Variants in PRKCA observed in about 807,000 individuals in gnomAD.
The protein encoded by PRKCA is protein kinase C alpha.
Under a neutral mutation model 87.0 loss-of-function variants are expected in PRKCA, and 27 were observed. The observed-to-expected ratio is 0.31, with a 90% confidence interval of 0.23 to 0.43. The LOEUF is 0.43. Among genes scored for constraint, PRKCA ranks in the 20% least tolerant of loss-of-function variants. The pLI is 1.00. For missense variants in PRKCA, 518 were observed against 852.3 expected, an observed-to-expected ratio of 0.61 and a Z score of 4.88; for synonymous variants, 329 against 311.1, an observed-to-expected ratio of 1.06 and a Z score of -0.61.
chr17:66,803,660 C>T lies in PRKCA; in HGVS notation c.1855-213C>T, dbSNP rs762422122. Among the ~76,000 whole-genome samples, 24 of 152,138 alleles carry T rather than the reference C, an allele frequency of 1.6e-4. No individual in the cohort carries two copies. The highest frequency in any genetic ancestry group is 2.2e-4 in the African/African-American group (9 of 41,416). ...GCAATTCCCACCCAGGGCTTCTGTTCGGGGTGTTTCAGGGTTTACAGTTGG... is the reference window on the plus strand; with the variant it reads ...GCAATTCCCACCCAGGGCTTCTGTTTGGGGTGTTTCAGGGTTTACAGTTGG... On this transcript the variant is annotated intron_variant, in intron 16 of 16. Coordinates refer to ENST00000413366, the MANE Select transcript of PRKCA (RefSeq NM_002737.3). This position sits in a 1 kb window ranked among gnomAD's most constrained non-coding sequence, Gnocchi z 4.4.
Position 66,741,373 on chromosome 17 carries a change from A to G in PRKCA, c.1323-286A>G, listed in dbSNP as rs533202323. Among the ~76,000 whole-genome samples the G allele has an allele frequency of 1.4e-4, 21 of 152,350 alleles. No homozygotes were observed. The South Asian group carries it at 4.3e-3, about 32-fold the overall frequency. ...AGTCTAACTGGTATCCACTCTTTAA[A>G]TGATTGTATGAGAAATTACTCTGCA... On this transcript the variant is annotated intron_variant, in intron 11 of 16. Coordinates refer to ENST00000413366, the MANE Select transcript of PRKCA (RefSeq NM_002737.3).
chr17:66,703,877 T>C (rs1224382896), intron 8 of PRKCA: 1 of 152,186 alleles, frequency 6.6e-6, no homozygotes, highest in African/African-American at 2.4e-5. Context: ...AGTTATATAG[T>C]CATTTATTAT....
intron 2 of PRKCA, among the ~76,000 whole-genome samples, chr17:66,400,432 A>G (rs1945534770): frequency 6.6e-6 from 1 of 152,220 alleles, no homozygotes; most frequent in African/African-American, 2.4e-5. Context: ...GATTACAGGT[A>G]TGAGCAACCA....
intron 2 of PRKCA, among the ~76,000 whole-genome samples, chr17:66,340,951 T>G (rs768325732): frequency 2.5e-4 from 38 of 152,128 alleles, no homozygotes; most frequent in Admixed American, 2.2e-3. Context: ...TCTGTGGGAA[T>G]CAGAGGAGTG....
intron 13 of PRKCA, among the ~76,000 whole-genome samples, chr17:66,748,773 C>T (rs932771935): frequency 2.2e-4 from 33 of 152,046 alleles, no homozygotes; most frequent in African/African-American, 7.2e-4. Context: ...GCATCATTTA[C>T]GTGGCAGAAA....
intron 3 of PRKCA, among the ~76,000 whole-genome samples, chr17:66,523,381 A>G (rs954642352): frequency 6.6e-6 from 1 of 152,202 alleles, no homozygotes; most frequent in Non-Finnish European, 1.5e-5. Flanking sequence ...CAGCATCAAC[A>G]TCTTTTATTG....
Position 66,606,418 on chromosome 17 carries a change from CA to C in PRKCA, c.289-34934del, listed in dbSNP as rs1181318381. Among the ~76,000 whole-genome samples, 4 of 151,892 alleles carry C rather than the reference CA, an allele frequency of 2.6e-5. No individual in the cohort carries two copies. In the East Asian group the frequency reaches 7.7e-4, roughly 29 times the overall value. On this transcript the variant is annotated intron_variant, in intron 3 of 16. Transcript: ENST00000413366. ...AAAAAATAATAAAATGAAGTTAAAC[CA>C]AAGAAATACCAGGAGACAGTAACAT...
At chr17:66,406,610 A>T (rs1255849630) in intron 2 of PRKCA, among the ~76,000 whole-genome samples, 372 of 11,980 alleles carry the variant, frequency 0.031, 2 homozygotes, top group African/African-American at 0.044. Context: ...TTTTTTTTTT[A>T]AATGTCATAG....
intron 3 of PRKCA, among the ~76,000 whole-genome samples, chr17:66,557,794 A>T (rs1160519652): frequency 2.0e-5 from 3 of 152,128 alleles, no homozygotes; most frequent in Non-Finnish European, 4.4e-5. Context: ...TGAGTGGTAA[A>T]ATCCATCTGG....
Position 66,401,809 on chromosome 17 carries a change from G to C in PRKCA, c.206-94392G>C, listed in dbSNP as rs201922253. On this transcript the variant is annotated intron_variant, in intron 2 of 16. Coordinates refer to ENST00000413366, the MANE Select transcript of PRKCA (RefSeq NM_002737.3). ...GCAGTGGTTCCGTGATCTGAAATTA[G>C]GAATATAAGAATAGACACTGAGGGT... Among the ~76,000 whole-genome samples, 7 of 152,256 alleles carry C rather than the reference G, an allele frequency of 4.6e-5. No individual in the cohort carries two copies. In the East Asian group the frequency reaches 1.4e-3, roughly 29 times the overall value.
At chr17:66,460,746 A>G (rs540609156) in intron 2 of PRKCA, among the ~76,000 whole-genome samples, 2 of 152,294 alleles carry the variant, frequency 1.3e-5, no homozygotes, top group East Asian at 3.9e-4. Context: ...CTGCGTCCCC[A>G]TTATTTGACA....
intron 13 of PRKCA, among the ~76,000 whole-genome samples, chr17:66,764,364 T>C (rs979979975): frequency 6.6e-6 from 1 of 152,324 alleles, no homozygotes; most frequent in East Asian, 1.9e-4. Context: ...CATTTGAATG[T>C]GAAGCCCTGG....
At position 66,803,678 on chromosome 17, in the gene PRKCA, A is replaced by C. The variant is rs1001396313; in HGVS notation, c.1855-195A>C. On this transcript the variant is annotated intron_variant, in intron 16 of 16. Transcript: ENST00000413366. This position sits in a 1 kb window ranked among gnomAD's most constrained non-coding sequence, Gnocchi z 4.4. Reference sequence around the variant, plus strand: ...TTCTGTTCGGGGTGTTTCAGGGTTTACAGTTGGGTAACTCGTTGTTGTCTG... The same window carrying C: ...TTCTGTTCGGGGTGTTTCAGGGTTTCCAGTTGGGTAACTCGTTGTTGTCTG... Among the ~76,000 whole-genome samples the C allele has an allele frequency of 6.6e-6, 1 of 152,052 alleles. No homozygotes were observed.
rs973851621 is a variant in PRKCA at position 66,335,933 on chromosome 17, C to A, written c.205+29806C>A. 9.2e-5 allele frequency among the ~76,000 whole-genome samples: 14 copies of A among 152,264 alleles called. 1 individual carries two copies. The highest frequency in any genetic ancestry group is 3.4e-3 in the Middle Eastern group (1 of 294). ...CATCACATTACCCTCAGAATAGTTA[C>A]TAAATTTCATTTCAGCCAAGCACAC... On this transcript the variant is annotated intron_variant, in intron 2 of 16. Transcript: ENST00000413366.
chr17:66,339,030 G>A (rs1906877947), intron 2 of PRKCA, among the ~76,000 whole-genome samples: 1 of 152,184 alleles, frequency 6.6e-6, no homozygotes, highest in Admixed American at 6.5e-5. Context: ...TCTATATTGA[G>A]GGGAGAAACT....
intron 2 of PRKCA, chr17:66,340,186 C>G (rs1425092987): frequency 6.6e-6 from 1 of 152,122 alleles, no homozygotes; most frequent in Non-Finnish European, 1.5e-5. Context: ...TACAAACACG[C>G]TACACACCAT....
chr17:66,651,853 G>A (rs1971598832), intron 5 of PRKCA, among the ~76,000 whole-genome samples: 1 of 152,102 alleles, frequency 6.6e-6, no homozygotes. Context: ...AGGTATTTTT[G>A]TTGTTGTTGT....
intron 13 of PRKCA, among the ~76,000 whole-genome samples, chr17:66,748,266 A>T (rs2144255048): frequency 6.6e-6 from 1 of 152,310 alleles, no homozygotes; most frequent in South Asian, 2.1e-4. Context: ...GATGCCTGGG[A>T]CAGCAGCCAG....
chr17:66,770,961 G>T (rs4264425), intron 13 of PRKCA, among the ~76,000 whole-genome samples: 2,600 of 152,138 alleles, frequency 0.017, 77 homozygotes, highest in African/African-American at 0.059. Context: ...CTTGTTTACT[G>T]GTGGGAGTGA....
Sources: gnomAD v4.1 joint callset for allele counts (sites outside exome capture counted in the v4.1 genomes callset) on GRCh38, gnomAD v4.1.1 for gene constraint, Gnocchi (gnomAD v3.1) non-coding constraint, MANE v1.5 for transcripts, NCBI Gene and HGNC (gene_info 2026-07-23, HGNC 2026-07-21) for gene names.